MCTP1: variants seen among roughly 807,000 people sequenced by gnomAD.
MCTP1 encodes the protein multiple C2 and transmembrane domain containing 1, also known as multiple C2 and transmembrane domain-containing protein 1.
Under a neutral mutation model 120.6 loss-of-function variants are expected in MCTP1, and 69 were observed. The ratio of observed to expected loss-of-function variants is 0.57; its 90% confidence interval spans 0.47 to 0.70. The LOEUF is 0.70. Ranked by LOEUF, MCTP1 falls within the 30% of genes least tolerant of loss-of-function variation. The probability of loss-of-function intolerance (pLI) is 0.00; values close to 1 mark genes in which losing one functional copy is unlikely to be tolerated. For missense variants in MCTP1, 1,203 were observed against 1,248.8 expected, an observed-to-expected ratio of 0.96 and a Z score of 0.55; for synonymous variants, 529 against 493.1, an observed-to-expected ratio of 1.07 and a Z score of -0.96.
In MCTP1 at chr5:95,283,977, G is replaced by A. The variant is rs1212423618; in HGVS notation, c.599C>T (p.Ser200Phe). Residue 200 changes from serine (S) to phenylalanine (F), a missense_variant, in exon 1 of 23, where the codon TCT becomes TTT. Physicochemically the swap from Ser to Phe is radical, Grantham distance 155 (BLOSUM62 -2). This residue lies in a region of MCTP1 where 463 missense variants were observed against 377.8 expected (regional missense o/e 1.23). Transcript: ENST00000515393. Reference sequence around the variant, plus strand: ...CTCCAGGCAGGCGGTGCCCGGCAGAGAGGAGCTCTTCTGGTGGCACAAGTG... The same window carrying A: ...CTCCAGGCAGGCGGTGCCCGGCAGAAAGGAGCTCTTCTGGTGGCACAAGTG... ...GAHLCHQKSS[S>F]LPGTACLEQL... is the part of the protein sequence containing the mutation. 1.4e-6 allele frequency: 2 copies of A among 1,443,448 alleles called. No homozygotes were observed. The highest frequency in any genetic ancestry group is 1.8e-6 in the Non-Finnish European group (2 of 1,102,442). The allele number at this position is 1,443,448 out of a possible 1,614,324, so 89.4% of individuals were successfully genotyped here.
intron 19 of MCTP1, among the ~76,000 whole-genome samples, chr5:94,752,267 G>A (rs536560254): frequency 6.6e-6 from 1 of 151,186 alleles, no homozygotes; most frequent in East Asian, 2.0e-4. Context: ...GGTTACCTGA[G>A]TTCTAACAAT....
intron 1 of MCTP1, among the ~76,000 whole-genome samples, chr5:95,213,493 C>T (rs1752650556): frequency 6.6e-6 from 1 of 152,110 alleles, no homozygotes; most frequent in Non-Finnish European, 1.5e-5. Flanking sequence ...TGACTTTCTT[C>T]ACAGAATTGG....
intron 18 of MCTP1, among the ~76,000 whole-genome samples, chr5:94,785,702 AC>A (rs1256278112): frequency 6.6e-6 from 1 of 152,132 alleles, no homozygotes; most frequent in African/African-American, 2.4e-5. Flanking sequence ...CAACTTTGTA[AC>A]AAAAAGGCAT....
chr5:94,791,112 C>CAAAAAAA (rs60394333), intron 18 of MCTP1, among the ~76,000 whole-genome samples: 30 of 99,596 alleles, frequency 3.0e-4, no homozygotes, highest in Non-Finnish European at 4.2e-4. Flanking sequence ...GTCTCTACTA[C>CAAAAAAA]AAAAAAAAAA....
At chr5:95,283,063 G>C (rs1388014026) in intron 1 of MCTP1, among the ~76,000 whole-genome samples, 1 of 152,222 alleles carries the variant, frequency 6.6e-6, no homozygotes, top group Non-Finnish European at 1.5e-5. Context: ...TTTACAAAAA[G>C]AGCAGTGCCT....
intron 19 of MCTP1, among the ~76,000 whole-genome samples, chr5:94,720,203 C>G (rs573873902): frequency 4.0e-5 from 6 of 151,798 alleles, no homozygotes; most frequent in Admixed American, 3.9e-4. Context: ...AAAGACAATA[C>G]AGGGAAGTTA....
intron 17 of MCTP1, among the ~76,000 whole-genome samples, chr5:94,850,129 A>G (rs1378632751): frequency 6.6e-6 from 1 of 152,194 alleles, no homozygotes; most frequent in Non-Finnish European, 1.5e-5. Flanking sequence ...ATTAAAAAAT[A>G]AATCCGAATG....
intron 8 of MCTP1, among the ~76,000 whole-genome samples, chr5:94,916,096 T>C (rs1809988887): frequency 1.3e-5 from 2 of 152,214 alleles, no homozygotes; most frequent in South Asian, 4.1e-4. Context: ...TTGTTCAAAA[T>C]GGTACTTCTC....
chr5:95,281,308 C>A (rs369525386), intron 1 of MCTP1, among the ~76,000 whole-genome samples: 1 of 152,212 alleles, frequency 6.6e-6, no homozygotes, highest in African/African-American at 2.4e-5. Flanking sequence ...GACTCCTGAG[C>A]AGCTGAATGC....
intron 17 of MCTP1, among the ~76,000 whole-genome samples, chr5:94,828,075 T>C (rs1787632957): frequency 2.6e-5 from 4 of 152,166 alleles, no homozygotes; most frequent in South Asian, 2.1e-4. Context: ...TTTGCACTGG[T>C]TTTTCCTCAT....
At chr5:95,062,215 G>A (rs1749415054) in intron 1 of MCTP1, among the ~76,000 whole-genome samples, 1 of 152,090 alleles carries the variant, frequency 6.6e-6, no homozygotes, top group Admixed American at 6.5e-5. Flanking sequence ...AGCCTCTGAT[G>A]TCTTTATAGA....
intron 19 of MCTP1, 47 bp downstream of exon 19, chr5:94,779,063 T>C: frequency 6.6e-7 from 1 of 1,520,008 alleles, no homozygotes; most frequent in Non-Finnish European, 9.1e-7. Context: ...GTGTCATGTC[T>C]ACATTTCCCC....
At chr5:95,042,697 C>T (rs768477734) in intron 1 of MCTP1, among the ~76,000 whole-genome samples, 16 of 152,174 alleles carry the variant, frequency 1.1e-4, no homozygotes, top group Non-Finnish European at 8.8e-5. Flanking sequence ...CAGGCACATA[C>T]CCTTTTACAG....
At chr5:94,951,962 G>A (rs1273818957) in intron 3 of MCTP1, among the ~76,000 whole-genome samples, 1 of 151,856 alleles carries the variant, frequency 6.6e-6, no homozygotes, top group Non-Finnish European at 1.5e-5. Context: ...ACTTGAGGCC[G>A]GGAGTTCAAG....
At chr5:95,103,597 TC>T (rs1422255041) in intron 1 of MCTP1, among the ~76,000 whole-genome samples, 2 of 152,230 alleles carry the variant, frequency 1.3e-5, no homozygotes, top group Admixed American at 6.5e-5. Context: ...GTAGCAATTT[TC>T]TTGGAAAGCA....
intron 17 of MCTP1, among the ~76,000 whole-genome samples, chr5:94,855,455 G>A (rs1276706414): frequency 3.3e-5 from 5 of 151,712 alleles, no homozygotes; most frequent in African/African-American, 7.3e-5. Context: ...AAGGTCAAAG[G>A]GCATTTGACC....
chr5:95,146,479 A>G (rs1438171043), intron 1 of MCTP1, among the ~76,000 whole-genome samples: 1 of 152,026 alleles, frequency 6.6e-6, no homozygotes, highest in Non-Finnish European at 1.5e-5. Flanking sequence ...ATGGTGGGTA[A>G]TTAATTTGAA....
chr5:95,212,948 C>G (rs200909760), intron 1 of MCTP1, among the ~76,000 whole-genome samples: 6 of 151,912 alleles, frequency 3.9e-5, no homozygotes, highest in African/African-American at 7.3e-5. Flanking sequence ...CTTTGAAAAC[C>G]GGCACAAGAC....
intron 1 of MCTP1, among the ~76,000 whole-genome samples, chr5:95,033,973 G>T (rs1375610430): frequency 3.3e-5 from 5 of 151,832 alleles, no homozygotes; most frequent in Admixed American, 2.0e-4. Flanking sequence ...ATTTACAATA[G>T]CCACACACAA....
Sources: allele counts gnomAD v4.1 joint callset (sites outside exome capture counted in the v4.1 genomes callset), GRCh38; gene constraint gnomAD v4.1.1; regional missense constraint gnomAD v4.1.1; transcripts MANE v1.5; gene names NCBI Gene and HGNC (gene_info 2026-07-23, HGNC 2026-07-21).